LRRTM4: variants seen among roughly 807,000 people sequenced by gnomAD.
The protein encoded by LRRTM4 is leucine rich repeat transmembrane neuronal 4.
LRRTM4 carries 25 observed loss-of-function variants against 47.6 expected under a neutral mutation model. The ratio of observed to expected loss-of-function variants is 0.53; its 90% confidence interval spans 0.38 to 0.73. The LOEUF (loss-of-function observed/expected upper bound fraction) is 0.73. LRRTM4 is among the 30% of genes least tolerant of loss of function. The probability of loss-of-function intolerance (pLI) is 0.00; values close to 1 mark genes in which losing one functional copy is unlikely to be tolerated. For missense variants in LRRTM4, 638 were observed against 713.4 expected, an observed-to-expected ratio of 0.89 and a Z score of 1.20; for synonymous variants, 311 against 269.5, an observed-to-expected ratio of 1.15 and a Z score of -1.51.
chr2:76,990,951 C>T (rs1389885722), intron 3 of LRRTM4, among the ~76,000 whole-genome samples: 1 of 151,712 alleles, frequency 6.6e-6, no homozygotes, highest in African/African-American at 2.4e-5. Context: ...CAACCACACT[C>T]TTGAACCAAA....
At chr2:77,304,941 G>C (rs1399755059) in intron 3 of LRRTM4, among the ~76,000 whole-genome samples, 1 of 151,890 alleles carries the variant, frequency 6.6e-6, no homozygotes, top group East Asian at 1.9e-4. Context: ...TATCATTTAA[G>C]GTCCCTTTAT....
chr2:76,890,230 T>G (rs1300125346), intron 3 of LRRTM4, among the ~76,000 whole-genome samples: 3 of 151,974 alleles, frequency 2.0e-5, no homozygotes, highest in Non-Finnish European at 4.4e-5. Flanking sequence ...GGTCTAGCAC[T>G]GAGTGTGAAT....
At chr2:77,195,020 A>G (rs1673772232) in intron 3 of LRRTM4, among the ~76,000 whole-genome samples, 1 of 152,126 alleles carries the variant, frequency 6.6e-6, no homozygotes, top group African/African-American at 2.4e-5. Context: ...GAAGTTATTA[A>G]AATATTTGAT....
rs1269117753 is a variant in LRRTM4, at chr2:77,190,589, C to T, written c.1551+327729G>A. Among the ~76,000 whole-genome samples the T allele has an allele frequency of 2.6e-5, 4 of 151,976 alleles. No individual in the cohort carries two copies. The East Asian group carries it at 7.7e-4, about 29-fold the overall frequency. ...TGCTTGGATTACAGACGTGCACCAC[C>T]GCACCCAGCCAACAGAGCATTTTCT... On this transcript the variant is annotated intron_variant, in intron 3 of 3. Coordinates refer to ENST00000409884, the MANE Select transcript of LRRTM4 (RefSeq NM_001134745.3).
At chr2:77,001,838 A>T (rs528063960) in intron 3 of LRRTM4, among the ~76,000 whole-genome samples, 1 of 152,188 alleles carries the variant, frequency 6.6e-6, no homozygotes, top group Non-Finnish European at 1.5e-5. Context: ...TGCCTAAACA[A>T]TAACGGATCT....
chr2:76,865,447 G>A (rs955470663), intron 3 of LRRTM4, among the ~76,000 whole-genome samples: 4 of 152,052 alleles, frequency 2.6e-5, no homozygotes, highest in African/African-American at 7.3e-5. Flanking sequence ...ATTAGAGAAA[G>A]TCCTATCCAA....
chr2:76,887,292 T>C (rs953049507), intron 3 of LRRTM4, among the ~76,000 whole-genome samples: 6 of 151,704 alleles, frequency 4.0e-5, no homozygotes, highest in Non-Finnish European at 7.4e-5. Flanking sequence ...AAAGTTAACA[T>C]ATAAAGTATT....
intron 3 of LRRTM4, among the ~76,000 whole-genome samples, chr2:77,272,918 G>A (rs1452584760): frequency 1.3e-5 from 2 of 152,104 alleles, no homozygotes; most frequent in Non-Finnish European, 2.9e-5. Context: ...GATTTATTCA[G>A]AATTGTGGAG....
chr2:77,243,410 C>CA (rs1558649815), intron 3 of LRRTM4, among the ~76,000 whole-genome samples: 2 of 59,794 alleles, frequency 3.3e-5, no homozygotes, highest in Non-Finnish European at 6.2e-5. Flanking sequence ...AACTCCGTCT[C>CA]AAAATAAAAA....
intron 3 of LRRTM4, among the ~76,000 whole-genome samples, chr2:77,440,179 C>A (rs1675780829): frequency 6.6e-6 from 1 of 152,154 alleles, no homozygotes; most frequent in Non-Finnish European, 1.5e-5. Flanking sequence ...CTTTGGGAGG[C>A]CGAGGCGGGC....
intron 3 of LRRTM4, among the ~76,000 whole-genome samples, chr2:76,842,679 G>A (rs1409896141): frequency 1.3e-5 from 2 of 152,262 alleles, no homozygotes; most frequent in African/African-American, 4.8e-5. Context: ...GTATGTAGAG[G>A]AGAGAATTAA....
chr2:77,284,348 T>C (rs967174616), intron 3 of LRRTM4, among the ~76,000 whole-genome samples: 12 of 152,146 alleles, frequency 7.9e-5, no homozygotes, highest in African/African-American at 2.2e-4. Context: ...CACATTCTAT[T>C]AATAGAAGCC....
At chr2:77,014,780 G>A (rs1678000471) in intron 3 of LRRTM4, among the ~76,000 whole-genome samples, 1 of 151,990 alleles carries the variant, frequency 6.6e-6, no homozygotes, top group Non-Finnish European at 1.5e-5. Context: ...CCACTGTACT[G>A]CAGCATGGGG....
At chr2:77,084,126 A>G (rs1489213091) in intron 3 of LRRTM4, among the ~76,000 whole-genome samples, 5 of 152,104 alleles carry the variant, frequency 3.3e-5, no homozygotes, top group Non-Finnish European at 7.4e-5. Context: ...ATTTGTTTAA[A>G]AATAAAGTGT....
At chr2:76,839,186 T>A (rs1010393713) in intron 3 of LRRTM4, among the ~76,000 whole-genome samples, 3 of 152,028 alleles carry the variant, frequency 2.0e-5, no homozygotes, top group African/African-American at 7.2e-5. Context: ...TAAGAAGTGC[T>A]CTCCAATGAT....
intron 3 of LRRTM4, among the ~76,000 whole-genome samples, chr2:76,778,803 C>T (rs1036896467): frequency 2.0e-5 from 3 of 150,666 alleles, no homozygotes; most frequent in Non-Finnish European, 4.4e-5. Flanking sequence ...CTTCTGCTAG[C>T]TTTTGAATGT....
intron 3 of LRRTM4, among the ~76,000 whole-genome samples, chr2:77,449,898 G>T (rs1676191717): frequency 6.6e-6 from 1 of 152,256 alleles, no homozygotes; most frequent in South Asian, 2.1e-4. Context: ...ACCTAAACCA[G>T]CCAGAGTCAG....
At chr2:77,040,827 T>C (rs1679004710) in intron 3 of LRRTM4, among the ~76,000 whole-genome samples, 2 of 151,474 alleles carry the variant, frequency 1.3e-5, no homozygotes, top group Non-Finnish European at 3.0e-5. Flanking sequence ...ATTATACATA[T>C]TGATGGGGTA....
chr2:76,933,766 C>G (rs1188005633), intron 3 of LRRTM4, among the ~76,000 whole-genome samples: 1 of 151,986 alleles, frequency 6.6e-6, no homozygotes, highest in Non-Finnish European at 1.5e-5. Context: ...TTTCTGAGCA[C>G]AGAATTAGTA....
Sources: gnomAD v4.1 joint callset for allele counts (sites outside exome capture counted in the v4.1 genomes callset) on GRCh38, gnomAD v4.1.1 for gene constraint, MANE v1.5 for transcripts, NCBI Gene and HGNC (gene_info 2026-07-23, HGNC 2026-07-21) for gene names.